The following COL2A1 variants were observed in gnomAD, a reference collection of about 807,000 sequenced individuals.
The protein encoded by COL2A1 is collagen type II alpha 1 chain, also known as collagen alpha-1(II) chain.
A neutral mutation model predicts 204.5 loss-of-function variants in COL2A1; 28 were observed. That is an observed-to-expected ratio of 0.14 (90% CI 0.10 to 0.19). COL2A1 has a LOEUF of 0.19. COL2A1 is among the 10% of genes least tolerant of loss of function. COL2A1 has a pLI of 1.00. For missense variants in COL2A1, 1,388 were observed against 2,027.5 expected (o/e 0.68, Z 6.06); for synonymous variants, 708 against 718.7 (o/e 0.99, Z 0.24).
At chr12:47,975,902 A>G in intron 50 of COL2A1, 61 bp downstream of exon 50, 1 of 1,299,634 alleles carries the variant, frequency 7.7e-7, no homozygotes, top group Non-Finnish European at 1.1e-6. Flanking sequence ...AGCAAAAAAG[A>G]GCTCAAGCCT....
Position 47,974,203 on chromosome 12 carries a change from G to A in COL2A1, c.4203C>T (p.Asp1401=), listed in dbSNP as rs200781896. 1.9e-5 allele frequency: 31 copies of A among 1,614,078 alleles called. No individual in the cohort carries two copies. The highest frequency in any genetic ancestry group is 1.6e-4 in the Middle Eastern group (1 of 6,084). The part of the protein sequence containing the change: ...YHCKNSIAYL[D]EAAGNLKKAL... ...CCTTCTTGAGGTTGCCAGCTGCTTCGTCCAGATAGGCAATGCTGTTCTTGC... is the reference window on the plus strand; with the variant it reads ...CCTTCTTGAGGTTGCCAGCTGCTTCATCCAGATAGGCAATGCTGTTCTTGC... Residue 1401 remains aspartate (D), a synonymous_variant, in exon 53 of 54, where the codon GAC becomes GAT. Coordinates refer to ENST00000380518, the MANE Select transcript of COL2A1 (RefSeq NM_001844.5).
chr12:48,004,559 C>T (rs2136653866), upstream of COL2A1: 8 of 471,896 alleles, frequency 1.7e-5, no homozygotes, highest in South Asian at 2.1e-4. Context: ...GGGCCGCCCC[C>T]TGCCCCCCGC....
At position 47,983,716 on chromosome 12, in the gene COL2A1, G is replaced by T. The variant is rs794727533; in HGVS notation, c.1962C>A (p.Gly654=). The T allele has an allele frequency of 8.1e-6, 13 of 1,596,674 alleles. No homozygotes were observed. In the East Asian group the frequency reaches 2.5e-4, roughly 31 times the overall value. ...CAGATGGCCCAGGAGCACCCTGCTC[G>T]CCTCGTTCACCAGCAGGTCCCTGCA... is the stretch of plus-strand genomic sequence containing the variant. ...PGPAGPAGER[G]EQGAPGPSGF... Residue 654 remains glycine, a synonymous_variant, in exon 30 of 54, where the codon GGC becomes GGA. Transcript: ENST00000380518.
At chr12:47,983,986 C>A in intron 29 of COL2A1, 101 bp downstream of exon 29, 7 of 1,145,102 alleles carry the variant, frequency 6.1e-6, no homozygotes, top group Non-Finnish European at 9.0e-6. Flanking sequence ...GCTCAGCCCA[C>A]ATTCACATCT....
At chr12:47,984,940 C>A in intron 27 of COL2A1, 55 bp downstream of exon 27, 8 of 1,441,624 alleles carry the variant, frequency 5.5e-6, no homozygotes, top group Non-Finnish European at 5.8e-6. Flanking sequence ...CCCAAGAGGG[C>A]AGGGAGGTAG....
At chr12:47,994,116 G>T in intron 12 of COL2A1, 69 bp from the exon 13 acceptor site, 1 of 1,567,404 alleles carries the variant, frequency 6.4e-7, no homozygotes, top group Non-Finnish European at 8.8e-7. Context: ...CTGGGCTGCA[G>T]GAGGGCCTCC....
intron 2 of COL2A1, among the ~76,000 whole-genome samples, chr12:47,999,060 T>C (rs1055925515): frequency 6.6e-6 from 1 of 152,146 alleles, no homozygotes. Flanking sequence ...AGGGAGCCAG[T>C]GTTGGTGAAG....
At chr12:48,003,871 T>A (rs1940347818) in intron 1 of COL2A1, among the ~76,000 whole-genome samples, 1 of 152,238 alleles carries the variant, frequency 6.6e-6, no homozygotes, top group Admixed American at 6.5e-5. Flanking sequence ...GAACTCGAAG[T>A]GCTTCGAAGA....
intron 35 of COL2A1, 43 bp from the exon 36 acceptor site, chr12:47,981,872 A>T (rs1400358151): frequency 6.5e-7 from 1 of 1,549,426 alleles, no homozygotes. Flanking sequence ...AGGCTGAGCC[A>T]GCCGAGCACG....
chr12:47,973,321 G>A lies in COL2A1; in HGVS notation c.*86C>T. The A allele has an allele frequency of 6.4e-7, 1 of 1,572,174 alleles. No homozygotes were observed. Among genetic ancestry groups the A allele is most frequent in the Admixed American group, 1.7e-5 (1 of 59,968 alleles). On this transcript the variant is annotated 3_prime_UTR_variant, in exon 54 of 54. Coordinates refer to ENST00000380518, the MANE Select transcript of COL2A1 (RefSeq NM_001844.5). ...GACATCAGGTCAGGTCAGCCATTCA[G>A]TGCAGAGTCCTAGAGTGACTGAGAT...
At chr12:47,999,178 C>G (rs1176232952) in intron 2 of COL2A1, among the ~76,000 whole-genome samples, 1 of 152,204 alleles carries the variant, frequency 6.6e-6, no homozygotes, top group Non-Finnish European at 1.5e-5. Flanking sequence ...TCCCCACTCA[C>G]TCTGCAGGGA....
intron 28 of COL2A1, 57 bp downstream of exon 28, chr12:47,984,489 C>A: frequency 6.3e-7 from 1 of 1,576,452 alleles, no homozygotes; most frequent in East Asian, 2.2e-5. Flanking sequence ...GTTCCCCTGT[C>A]CTCCCTGCAG....
Position 47,976,108 on chromosome 12 carries a change from C to T in COL2A1, c.3490-38G>A. ...GAGGTCGTGAGGAAAGAGTGGTCAC[C>T]ACAGGGAAGGCTGGGGAGTCGCTGG... On this transcript the variant is annotated intron_variant, in intron 49 of 53. Coordinates refer to ENST00000380518, the MANE Select transcript of COL2A1 (RefSeq NM_001844.5). This position sits in a 1 kb window ranked among gnomAD's most constrained non-coding sequence, Gnocchi z 4.3. 6.7e-7 allele frequency: 1 copy of T among 1,490,498 alleles called. No individual in the cohort carries two copies. The highest frequency in any genetic ancestry group is 1.1e-5 in the South Asian group (1 of 88,604). The allele number at this position is 1,490,498 out of a possible 1,614,324, so 92.3% of individuals were successfully genotyped here. A position where few individuals can be genotyped will look rare whatever the true frequency, so the allele number is the denominator to read the frequency against.
chr12:48,002,727 A>G (rs1168015944), intron 1 of COL2A1: 2 of 152,360 alleles, frequency 1.3e-5, no homozygotes, highest in East Asian at 3.9e-4. Flanking sequence ...TAAATGTAGT[A>G]CAAAAATATA....
chr12:47,997,728 G>A (rs750786543), intron 6 of COL2A1, 21 bp from the exon 7 acceptor site: 6 of 1,614,062 alleles, frequency 3.7e-6, no homozygotes, highest in South Asian at 1.1e-5. Context: ...AGAGAAAAAG[G>A]CATCAATGGG....
At position 47,982,567 on chromosome 12, in the gene COL2A1, G is replaced by A. The variant is rs1179925303; in HGVS notation, c.2236C>T (p.Pro746Ser). Residue 746 changes from proline (P) to serine (S), a missense_variant, in exon 34 of 54, where the codon CCA becomes TCA. By Grantham distance (74) the Pro-to-Ser change is moderately conservative. Around this residue, in one of 3 missense-constraint regions of COL2A1, gnomAD observed 884 missense variants for 1,415.8 expected, o/e 0.62. Coordinates refer to ENST00000380518, the MANE Select transcript of COL2A1 (RefSeq NM_001844.5). ...PAGPPGAQGP[P>S]GLQGMPGERG... ...TCGCCAGGCATTCCCTGAAGACCTG[G>A]AGGGCCCTGAGCCCCAGGGGGGCCT... 8.7e-6 allele frequency: 14 copies of A among 1,613,802 alleles called. No homozygotes were observed. Among genetic ancestry groups the A allele is most frequent in the Non-Finnish European group, 1.2e-5 (14 of 1,179,954 alleles).
rs1592202028 is a variant in COL2A1 at position 47,978,151 on chromosome 12, G to A, written c.3004-34C>T. 1 of 1,599,628 alleles carries A rather than the reference G, an allele frequency of 6.3e-7. No individual in the cohort carries two copies. ...ACAGAGACAAGGATGATGAGTGCAA[G>A]TGGTAAGCACCCCTGCCCAGGGCCC... On this transcript the variant is annotated intron_variant, in intron 43 of 53. Coordinates refer to ENST00000380518, the MANE Select transcript of COL2A1 (RefSeq NM_001844.5). This position sits in a 1 kb window ranked among gnomAD's most constrained non-coding sequence, Gnocchi z 5.5.
At chr12:47,994,627 G>T in intron 11 of COL2A1, 150 bp from the exon 12 acceptor site, 1 of 813,826 alleles carries the variant, frequency 1.2e-6, no homozygotes. Context: ...CACGTGCCTG[G>T]ATGCCTTTCA....
Position 47,998,232 on chromosome 12 carries a change from C to T in COL2A1, c.310-31G>A, listed in dbSNP as rs113106515. The T allele has an allele frequency of 4.6e-4, 742 of 1,613,982 alleles. No individual in the cohort carries two copies. The African/African-American group carries it at 8.8e-3, about 19-fold the overall frequency. On this transcript the variant is annotated intron_variant, in intron 3 of 53. Coordinates refer to ENST00000380518, the MANE Select transcript of COL2A1 (RefSeq NM_001844.5). ...ACATGAAACATTCACAGGATTAAGC[C>T]GAGTAAGCCCACTAAGCCCCTAGTC...
Sources: allele counts gnomAD v4.1 joint callset (sites outside exome capture counted in the v4.1 genomes callset), GRCh38; gene constraint gnomAD v4.1.1; regional missense constraint gnomAD v4.1.1; non-coding constraint Gnocchi (gnomAD v3.1); transcripts MANE v1.5; gene names NCBI Gene and HGNC (gene_info 2026-07-23, HGNC 2026-07-21).